CHST15: variants seen among roughly 807,000 people sequenced by gnomAD.
CHST15 encodes the protein B cell RAG associated protein (GALNAC4S-6ST).
A neutral mutation model predicts 53.6 loss-of-function variants in CHST15; 30 were observed. The ratio of observed to expected loss-of-function variants is 0.56; its 90% CI spans 0.42 to 0.76. The LOEUF is 0.76. CHST15 is among the 30% of genes least tolerant of loss of function. The probability of loss-of-function intolerance (pLI) is 0.00; values close to 1 mark genes in which losing one functional copy is unlikely to be tolerated. For missense variants in CHST15, 627 were observed against 740.5 expected (o/e 0.85, Z 1.78); for synonymous variants, 296 against 289.8 (o/e 1.02, Z -0.22).
intron 5 of CHST15, among the ~76,000 whole-genome samples, chr10:124,021,726 C>T (rs548131150): frequency 6.6e-6 from 1 of 152,238 alleles, no homozygotes; most frequent in African/African-American, 2.4e-5. Context: ...GAGCTTCAAA[C>T]AATACCAGAT....
At chr10:124,085,983 A>G (rs1298393884) in intron 1 of CHST15, among the ~76,000 whole-genome samples, 3 of 152,126 alleles carry the variant, frequency 2.0e-5, no homozygotes, top group African/African-American at 7.2e-5. Flanking sequence ...CAGGTCTGGT[A>G]AAAGCACAGG....
At chr10:124,054,120 T>G (rs1948296912) in intron 1 of CHST15, among the ~76,000 whole-genome samples, 1 of 152,304 alleles carries the variant, frequency 6.6e-6, no homozygotes. Flanking sequence ...CTTGCCTCTT[T>G]TCAGTTACTA....
At chr10:124,050,481 G>A (rs1564888559) in intron 1 of CHST15, among the ~76,000 whole-genome samples, 1 of 152,194 alleles carries the variant, frequency 6.6e-6, no homozygotes, top group Non-Finnish European at 1.5e-5. Flanking sequence ...TGTTGTCAGG[G>A]CTGTCCCGCG....
intron 1 of CHST15, among the ~76,000 whole-genome samples, chr10:124,085,401 A>T (rs1949386984): frequency 6.6e-6 from 1 of 152,144 alleles, no homozygotes; most frequent in Non-Finnish European, 1.5e-5. Context: ...ATAGCCCCAA[A>T]ACCTAATGCC....
At position 124,010,166 on chromosome 10, in the gene CHST15, C is replaced by T. The variant is rs148977403; in HGVS notation, c.1669G>A (p.Ala557Thr). ...LAQVLADEAF[A>T]WKTT ...TTCAGCTCTCACGTCGTCTTCCACG[C>T]AAACGCCTCATCCGCGAGGACCTGC... The change falls in exon 8 of 8, where the codon GCG (alanine) becomes ACG (threonine). Residue 557 changes from alanine to threonine, a missense_variant. Physicochemically the swap from Ala to Thr is moderately conservative, Grantham distance 58 (BLOSUM62 0). Transcript: ENST00000435907. 160 of 1,612,982 alleles carry T rather than the reference C, an allele frequency of 9.9e-5. No individual in the cohort carries two copies. Among genetic ancestry groups the T allele is most frequent in the Non-Finnish European group, 1.3e-4 (154 of 1,180,056 alleles).
At position 124,011,135 on chromosome 10, in the gene CHST15, A is replaced by G. The variant is rs28569179; in HGVS notation, c.1496-796T>C. The G allele has an allele frequency of 5.2e-3, 4,941 of 951,620 alleles. 104 individuals are homozygous for G. The African/African-American group carries it at 0.055, about 11-fold the overall frequency. The allele number at this position is 951,620 out of a possible 1,614,324, so 58.9% of individuals were successfully genotyped here. ...TGAGAGGCCCTGAAACAGAACAGCAAGGGCTGCGACCCCAACGCCCCGCCC... is the reference window on the plus strand; with the variant it reads ...TGAGAGGCCCTGAAACAGAACAGCAGGGGCTGCGACCCCAACGCCCCGCCC... On this transcript the variant is annotated intron_variant, in intron 7 of 7. Transcript: ENST00000435907.
Position 124,008,940 on chromosome 10 carries a change from T to C in CHST15, c.*1209A>G, listed in dbSNP as rs1946337599. The stretch of plus-strand genomic sequence containing the variant: ...CTGCCAAGTGGCCTGGAAAATTCCA[T>C]GAAGAACACGGCTCTTAGAAACCTC... On this transcript the variant is annotated 3_prime_UTR_variant, in exon 8 of 8. Transcript: ENST00000435907. The C allele has an allele frequency of 7.8e-7, 1 of 1,288,920 alleles. No individual in the cohort carries two copies. Among genetic ancestry groups the C allele is most frequent in the Admixed American group, 2.3e-5 (1 of 43,554 alleles). 79.8% of individuals were successfully genotyped at this position (1,288,920 alleles called of 1,614,324 possible).
chr10:124,020,923 A>G (rs918800779), intron 6 of CHST15: 1 of 1,380,258 alleles, frequency 7.2e-7, no homozygotes, highest in Non-Finnish European at 9.3e-7. Context: ...TCTTAAGACA[A>G]TTTGAGAGTT....
intron 7 of CHST15, chr10:124,011,560 G>GCGGCTTGTTCGAGCCTGCTCAGCCTTTC: frequency 1.0e-6 from 1 of 985,490 alleles, no homozygotes; most frequent in Non-Finnish European, 1.2e-6. Context: ...GGGAAGGAGG[G>GCGGCTTGTTCGAGCCTGCTCAGCCTTTC]CGGCTTGTTC....
At chr10:124,013,093 C>T (rs750657268) in intron 6 of CHST15, among the ~76,000 whole-genome samples, 8 of 152,044 alleles carry the variant, frequency 5.3e-5, no homozygotes, top group Non-Finnish European at 1.0e-4. Context: ...TACTGCAAGC[C>T]GTGTGGTGAA....
chr10:124,018,326 T>C (rs1354815192), intron 6 of CHST15, among the ~76,000 whole-genome samples: 1 of 152,268 alleles, frequency 6.6e-6, no homozygotes, highest in Non-Finnish European at 1.5e-5. Context: ...ATTACAGTTG[T>C]TTAGGATTCC....
chr10:124,044,500 A>C, intron 3 of CHST15, 80 bp downstream of exon 3: 1 of 1,221,122 alleles, frequency 8.2e-7, no homozygotes, highest in African/African-American at 1.5e-5. Flanking sequence ...CTCGCCCCCC[A>C]ACCCCAGCGC....
intron 1 of CHST15, among the ~76,000 whole-genome samples, chr10:124,087,943 G>T (rs893328605): frequency 1.3e-5 from 2 of 152,268 alleles, no homozygotes; most frequent in African/African-American, 4.8e-5. Context: ...CACAGATGAG[G>T]AGACAGAGTC....
chr10:124,072,531 T>G (rs73370265), intron 1 of CHST15, among the ~76,000 whole-genome samples: 4,042 of 152,230 alleles, frequency 0.027, 154 homozygotes, highest in African/African-American at 0.093. Flanking sequence ...GAGACTGGAC[T>G]GATCTACAAA....
rs139614379 is a variant in CHST15, at chr10:124,040,869, C to A, written c.1033+1432G>T. ...TTTCATTCTTTTTAAAATCTTGGAG[C>A]AAGCAAAATTAGGAGACCAAACTGA... On this transcript the variant is annotated intron_variant, in intron 4 of 7. Coordinates refer to ENST00000435907, the MANE Select transcript of CHST15 (RefSeq NM_001270764.2). Among the ~76,000 whole-genome samples, 34 of 152,310 alleles carry A rather than the reference C, an allele frequency of 2.2e-4. No homozygotes were observed. In the East Asian group the frequency reaches 6.4e-3, roughly 28 times the overall value.
intron 1 of CHST15, among the ~76,000 whole-genome samples, chr10:124,059,670 T>C (rs1369506699): frequency 6.6e-6 from 1 of 152,136 alleles, no homozygotes. Flanking sequence ...CAAATCATGA[T>C]TCTGCAGATG....
intron 1 of CHST15, among the ~76,000 whole-genome samples, chr10:124,057,140 A>C (rs1029103817): frequency 3.9e-5 from 6 of 152,188 alleles, no homozygotes; most frequent in South Asian, 2.1e-4. Flanking sequence ...GCATCACTTC[A>C]TCTCTCAGGG....
rs564365421 is a variant in CHST15, at chr10:124,044,684, T to A, written c.782A>T (p.Gln261Leu). The A allele has an allele frequency of 6.2e-7, 1 of 1,613,754 alleles. No individual in the cohort carries two copies. Among genetic ancestry groups the A allele is most frequent in the East Asian group, 2.2e-5 (1 of 44,820 alleles). Residue 261 changes from glutamine (Q) to leucine (L), a missense_variant, in exon 3 of 8, where the codon CAG becomes CTG. Gln to Leu is a moderately radical substitution (Grantham distance 113). Coordinates refer to ENST00000435907, the MANE Select transcript of CHST15 (RefSeq NM_001270764.2). The part of the protein sequence containing the change: ...RCLPHFYIIG[Q>L]PKCGTTDLYD... ...GAGGTCTGTGGTCCCGCACTTGGGCTGCCCTATGATGTAGAAGTGCGGCAG... is the reference window on the plus strand; with the variant it reads ...GAGGTCTGTGGTCCCGCACTTGGGCAGCCCTATGATGTAGAAGTGCGGCAG...
rs373208339 is a variant in CHST15, at chr10:124,077,729, C to T, written c.-513+15740G>A. Among the ~76,000 whole-genome samples, 4 of 152,190 alleles carry T rather than the reference C, an allele frequency of 2.6e-5. No individual in the cohort carries two copies. In the East Asian group the frequency reaches 5.8e-4, roughly 22 times the overall value. ...ATTAAGTATATGCTGATAATGCCCTCGCATCTCGTTCCGGTGGCATCTCAC... is the reference window on the plus strand; with the variant it reads ...ATTAAGTATATGCTGATAATGCCCTTGCATCTCGTTCCGGTGGCATCTCAC... On this transcript the variant is annotated intron_variant, in intron 1 of 7. Transcript: ENST00000435907.
Sources: gnomAD v4.1 joint callset for allele counts (sites outside exome capture counted in the v4.1 genomes callset) on GRCh38, gnomAD v4.1.1 for gene constraint, MANE v1.5 for transcripts, NCBI Gene and HGNC (gene_info 2026-07-23, HGNC 2026-07-21) for gene names.